The following CIAO1 variants were observed in gnomAD, a reference collection of about 807,000 sequenced individuals.
CIAO1 encodes cytosolic iron-sulfur assembly component 1.
A neutral mutation model predicts 43.1 loss-of-function variants in CIAO1; 32 were observed. The ratio of observed to expected loss-of-function variants is 0.74; its 90% CI spans 0.56 to 1.00. CIAO1 has a LOEUF of 1.00. Among genes scored for constraint, CIAO1 ranks in the 50% least tolerant of loss-of-function variants. CIAO1 has a pLI of 0.00. For missense variants in CIAO1, 415 were observed against 437.4 expected, an observed-to-expected ratio of 0.95 and a Z score of 0.46; for synonymous variants, 183 against 171.4, an observed-to-expected ratio of 1.07 and a Z score of -0.53.
chr2:96,268,390 A>G, intron 4 of CIAO1, 67 bp from the exon 5 acceptor site: 2 of 1,310,606 alleles, frequency 1.5e-6, no homozygotes, highest in Non-Finnish European at 2.2e-6. Flanking sequence ...GATACCTGGA[A>G]CTGACCTGTC....
chr2:96,267,085 G>A lies in CIAO1; in HGVS notation c.140-236G>A, dbSNP rs182891004. Reference sequence around the variant, plus strand: ...GGAGGCGAAGATTGCAGTGAGCCGAGATTGTGCCATTGCACCCCAGCCTGG... The same window carrying A: ...GGAGGCGAAGATTGCAGTGAGCCGAAATTGTGCCATTGCACCCCAGCCTGG... On this transcript the variant is annotated intron_variant, in intron 1 of 6. Transcript: ENST00000488633. Among the ~76,000 whole-genome samples the A allele has an allele frequency of 5.1e-3, 622 of 122,996 alleles. 3 individuals carry two copies. The highest frequency in any genetic ancestry group is 0.011 in the Admixed American group (99 of 9,342). 80.7% of individuals were successfully genotyped at this position (122,996 alleles called of 152,430 possible). A position where few individuals can be genotyped will look rare whatever the true frequency, so the allele number is the denominator to read the frequency against.
intron 5 of CIAO1, chr2:96,268,939 G>A: frequency 1.8e-6 from 1 of 567,480 alleles, no homozygotes; most frequent in South Asian, 2.1e-5. Flanking sequence ...TGCTTAGACT[G>A]AGGGGTGGTA....
chr2:96,271,079 AG>A, intron 6 of CIAO1, 31 bp from the exon 7 acceptor site: 1 of 1,612,746 alleles, frequency 6.2e-7, no homozygotes, highest in Non-Finnish European at 8.5e-7. Flanking sequence ...CTAATTAGTC[AG>A]GTATACCCAC....
chr2:96,267,564 A>G (rs1684459549), intron 2 of CIAO1, 61 bp from the exon 3 acceptor site: 1 of 1,609,092 alleles, frequency 6.2e-7, no homozygotes, highest in African/African-American at 1.3e-5. Context: ...GGCTGTACCC[A>G]TGGGAAGGGG....
chr2:96,266,872 C>T (rs1372623191), intron 1 of CIAO1, among the ~76,000 whole-genome samples: 1 of 152,120 alleles, frequency 6.6e-6, no homozygotes, highest in Non-Finnish European at 1.5e-5. Context: ...CGGTGGCTCA[C>T]GCCTGTAATC....
intron 6 of CIAO1, among the ~76,000 whole-genome samples, chr2:96,270,524 G>C (rs1264297899): frequency 6.7e-6 from 1 of 149,900 alleles, no homozygotes; most frequent in South Asian, 2.1e-4. Flanking sequence ...AAAACTTTAT[G>C]ATGGCTGGGC....
intron 6 of CIAO1, 87 bp downstream of exon 6, chr2:96,269,442 G>A: frequency 7.8e-7 from 1 of 1,281,252 alleles, no homozygotes; most frequent in Non-Finnish European, 1.1e-6. Flanking sequence ...CTGCAACCCT[G>A]GGGGAGTGCT....
In CIAO1 at chr2:96,271,240, C is replaced by G. The variant is rs1684544220; in HGVS notation, c.909C>G (p.Ser303=). The part of the protein sequence containing the change: ...SLTAHLHQAH[S]QDVNCVAWNP... ...CAGCCCACTTGCATCAGGCCCATTC[C>G]CAGGATGTCAACTGTGTGGCCTGGA... The change falls in exon 7 of 7, where the codon TCC becomes TCG. Residue 303 remains serine (S), a synonymous_variant. Coordinates refer to ENST00000488633, the MANE Select transcript of CIAO1 (RefSeq NM_004804.3). The G allele has an allele frequency of 2.5e-6, 4 of 1,614,146 alleles. No individual in the cohort carries two copies. The highest frequency in any genetic ancestry group is 3.4e-6 in the Non-Finnish European group (4 of 1,180,060).
rs758930624 is a variant in CIAO1, at chr2:96,271,216, A to G, written c.885A>G (p.Thr295=). 1.2e-6 allele frequency: 2 copies of G among 1,614,250 alleles called. No individual in the cohort carries two copies. Among genetic ancestry groups the G allele is most frequent in the South Asian group, 1.1e-5 (1 of 91,090 alleles). Residue 295 remains threonine (T), a synonymous_variant, in exon 7 of 7, where the codon ACA becomes ACG. Coordinates refer to ENST00000488633, the MANE Select transcript of CIAO1 (RefSeq NM_004804.3). ...SDPQQPTFSL[T]AHLHQAHSQD... ...CACAGCAGCCCACCTTCTCCCTGACAGCCCACTTGCATCAGGCCCATTCCC... is the reference window on the plus strand; with the variant it reads ...CACAGCAGCCCACCTTCTCCCTGACGGCCCACTTGCATCAGGCCCATTCCC...
chr2:96,272,381 C>T lies in CIAO1; in HGVS notation c.*1030C>T, dbSNP rs920307719. Reference sequence around the variant, plus strand: ...TCTCGAAGAATGCGGCCTGCAGATCCTGGGAGTCCCAAGACCCTTTCAGGG... The same window carrying T: ...TCTCGAAGAATGCGGCCTGCAGATCTTGGGAGTCCCAAGACCCTTTCAGGG... On this transcript the variant is annotated 3_prime_UTR_variant, in exon 7 of 7. Coordinates refer to ENST00000488633, the MANE Select transcript of CIAO1 (RefSeq NM_004804.3). 2 of 152,270 alleles carry T rather than the reference C, an allele frequency of 1.3e-5. No homozygotes were observed. Among genetic ancestry groups the T allele is most frequent in the African/African-American group, 4.8e-5 (2 of 41,472 alleles). The allele number at this position is 152,270 out of a possible 1,614,324, so 9.4% of individuals were successfully genotyped here.
chr2:96,268,873 A>G (rs910746905), intron 5 of CIAO1: 6 of 581,202 alleles, frequency 1.0e-5, no homozygotes, highest in Middle Eastern at 4.6e-4. Context: ...TGAGAATTTC[A>G]CGTGAGAATT....
rs1684566664 is a variant in CIAO1 at position 96,272,216 on chromosome 2, C to T, written c.*865C>T. On this transcript the variant is annotated 3_prime_UTR_variant, in exon 7 of 7. Transcript: ENST00000488633. ...ACTGCCATCAGCAGGCAGTTTCAGA[C>T]TCACTCAAGTTGTCTCTTGACAGTC... 6.6e-6 allele frequency: 1 copy of T among 152,250 alleles called. No individual in the cohort carries two copies. The highest frequency in any genetic ancestry group is 2.4e-5 in the African/African-American group (1 of 41,460). 9.4% of individuals were successfully genotyped at this position (152,250 alleles called of 1,614,324 possible).
At chr2:96,268,813 T>C (rs1684486809) in intron 5 of CIAO1, 155 bp downstream of exon 5, 2 of 671,428 alleles carry the variant, frequency 3.0e-6, no homozygotes, top group Non-Finnish European at 5.0e-6. Context: ...GAAAGTTTTG[T>C]AGAATGGGTT....
At chr2:96,266,611 C>T (rs1684435873) in intron 1 of CIAO1, 122 bp downstream of exon 1, 1 of 1,118,530 alleles carries the variant, frequency 8.9e-7, no homozygotes, top group Non-Finnish European at 1.1e-6. Context: ...GGATGTTAGC[C>T]ACGCCGAGAA....
chr2:96,267,235 G>C (rs566198820), intron 1 of CIAO1, 86 bp from the exon 2 acceptor site: 1 of 1,399,434 alleles, frequency 7.1e-7, no homozygotes, highest in Non-Finnish European at 9.6e-7. Flanking sequence ...TCCCCCACTA[G>C]CTTGATTCCA....
At chr2:96,268,745 G>T in intron 5 of CIAO1, 87 bp downstream of exon 5, 1 of 1,350,616 alleles carries the variant, frequency 7.4e-7, no homozygotes, top group Non-Finnish European at 1.0e-6. Flanking sequence ...AGAGCAAATG[G>T]GGGTAAAAGG....
intron 6 of CIAO1, among the ~76,000 whole-genome samples, chr2:96,269,966 A>G (rs968810331): frequency 6.6e-6 from 1 of 151,984 alleles, no homozygotes; most frequent in African/African-American, 2.4e-5. Context: ...TTTTATAGGT[A>G]ACACTGACTC....
intron 3 of CIAO1, 38 bp from the exon 4 acceptor site, chr2:96,267,798 C>G (rs375787102): frequency 1.4e-5 from 22 of 1,612,214 alleles, no homozygotes; most frequent in Non-Finnish European, 1.9e-5. Flanking sequence ...GTGTCCCTGA[C>G]AGGGTCGGCT....
rs1276495879 is a variant in CIAO1, at chr2:96,271,591, T to G, written c.*240T>G. 3.9e-6 allele frequency: 2 copies of G among 507,754 alleles called. No homozygotes were observed. The highest frequency in any genetic ancestry group is 7.0e-6 in the Non-Finnish European group (2 of 284,596). The allele number at this position is 507,754 out of a possible 1,614,324, so 31.5% of individuals were successfully genotyped here. On this transcript the variant is annotated 3_prime_UTR_variant, in exon 7 of 7. Transcript: ENST00000488633. ...TGTTATACCACAGATTTTTCTTGCA[T>G]TAGGGCACAGTGTTAAATTTTTTGG...
Sources: allele counts gnomAD v4.1 joint callset (sites outside exome capture counted in the v4.1 genomes callset), GRCh38; gene constraint gnomAD v4.1.1; transcripts MANE v1.5; gene names NCBI Gene and HGNC (gene_info 2026-07-23, HGNC 2026-07-21).